The following SLC9A9 variants were observed in gnomAD, a reference collection of about 807,000 sequenced individuals.
SLC9A9 encodes sodium/hydrogen exchanger 9.
SLC9A9 carries 62 observed loss-of-function variants against 77.8 expected under a neutral mutation model. That is an observed-to-expected ratio of 0.80 (90% confidence interval 0.65 to 0.98). The LOEUF is 0.98. Among genes scored for constraint, SLC9A9 ranks in the 50% least tolerant of loss-of-function variants. SLC9A9 has a pLI of 0.00. For missense variants in SLC9A9, 775 were observed against 774.9 expected (o/e 1.00, Z 0.00); for synonymous variants, 320 against 283.5 (o/e 1.13, Z -1.29).
intron 14 of SLC9A9, among the ~76,000 whole-genome samples, chr3:143,298,039 C>T (rs556939715): frequency 1.3e-5 from 2 of 152,304 alleles, no homozygotes; most frequent in Admixed American, 6.5e-5. Flanking sequence ...TACAGAAAAA[C>T]TGAGTTGCAT....
At chr3:143,773,124 G>A (rs2007579418) in intron 4 of SLC9A9, among the ~76,000 whole-genome samples, 2 of 152,286 alleles carry the variant, frequency 1.3e-5, no homozygotes, top group East Asian at 3.9e-4. Flanking sequence ...TTTGCTAGAG[G>A]TTGTATATTA....
At chr3:143,467,915 C>A (rs563464554) in intron 11 of SLC9A9, among the ~76,000 whole-genome samples, 3 of 152,164 alleles carry the variant, frequency 2.0e-5, no homozygotes, top group East Asian at 3.9e-4. Context: ...ATAAATGGAA[C>A]CATGCAGTAT....
intron 12 of SLC9A9, among the ~76,000 whole-genome samples, chr3:143,443,287 G>A (rs780184334): frequency 5.9e-5 from 9 of 151,842 alleles, no homozygotes; most frequent in Non-Finnish European, 1.2e-4. Context: ...CACAACAAAG[G>A]CTCTCCCCTC....
At chr3:143,580,334 T>C (rs1419639960) in intron 6 of SLC9A9, among the ~76,000 whole-genome samples, 1 of 152,206 alleles carries the variant, frequency 6.6e-6, no homozygotes, top group African/African-American at 2.4e-5. Context: ...GTAGCACAGC[T>C]TTAGAAGTAA....
chr3:143,819,110 T>A (rs1397213288), intron 2 of SLC9A9, among the ~76,000 whole-genome samples: 1 of 152,112 alleles, frequency 6.6e-6, no homozygotes, highest in Non-Finnish European at 1.5e-5. Context: ...CTGAAATATA[T>A]ACATTTTCAT....
chr3:143,470,181 G>C (rs925961759), intron 11 of SLC9A9, among the ~76,000 whole-genome samples: 3 of 152,134 alleles, frequency 2.0e-5, no homozygotes, highest in Non-Finnish European at 2.9e-5. Flanking sequence ...GAGATAGAAA[G>C]TGAACTTTCC....
At chr3:143,602,930 A>T (rs1310185444) in intron 6 of SLC9A9, among the ~76,000 whole-genome samples, 1 of 152,258 alleles carries the variant, frequency 6.6e-6, no homozygotes, top group Non-Finnish European at 1.5e-5. Flanking sequence ...ATGTGAGCAT[A>T]ATGGCGCTTT....
At chr3:143,619,655 A>G (rs1050209359) in intron 6 of SLC9A9, among the ~76,000 whole-genome samples, 6 of 152,202 alleles carry the variant, frequency 3.9e-5, no homozygotes, top group African/African-American at 1.4e-4. Context: ...GCTTTGGGTA[A>G]GAGGATAAAC....
At chr3:143,846,709 T>C (rs2009837107) in intron 1 of SLC9A9, among the ~76,000 whole-genome samples, 1 of 141,130 alleles carries the variant, frequency 7.1e-6, no homozygotes, top group South Asian at 2.4e-4. Flanking sequence ...AAAAAATAAA[T>C]AAAACAATAC....
At chr3:143,625,596 C>A (rs2038307791) in intron 6 of SLC9A9, among the ~76,000 whole-genome samples, 1 of 152,264 alleles carries the variant, frequency 6.6e-6, no homozygotes, top group East Asian at 1.9e-4. Context: ...CTTCCTTATA[C>A]CTTATACAAA....
Position 143,574,134 on chromosome 3 carries a change from C to G in SLC9A9, c.954G>C (p.Leu318=). Residue 318 remains leucine, a synonymous_variant, in exon 8 of 16, where the codon CTG becomes CTC. Coordinates refer to ENST00000316549, the MANE Select transcript of SLC9A9 (RefSeq NM_173653.4). ...CAGACAGGAAGGCACTCCAAGAAAG[C>G]AGGAAAAACAGGCCGGTTTCCAGCA... The part of the protein sequence containing the change: ...FPMLETGLFF[L]LSWSAFLSAE... The G allele has an allele frequency of 6.2e-7, 1 of 1,613,570 alleles. No homozygotes were observed. Among genetic ancestry groups the G allele is most frequent in the South Asian group, 1.1e-5 (1 of 91,060 alleles).
chr3:143,495,979 A>G (rs944192323), intron 9 of SLC9A9, among the ~76,000 whole-genome samples: 1 of 152,226 alleles, frequency 6.6e-6, no homozygotes, highest in Non-Finnish European at 1.5e-5. Context: ...ACATTTTAAC[A>G]TTAGAGTGAT....
intron 6 of SLC9A9, among the ~76,000 whole-genome samples, chr3:143,622,434 A>G (rs2038234100): frequency 6.6e-6 from 1 of 152,350 alleles, no homozygotes; most frequent in Non-Finnish European, 1.5e-5. Flanking sequence ...AAACTCTACA[A>G]GCCAGAAGAG....
At chr3:143,333,908 T>C (rs1270381185) in intron 14 of SLC9A9, among the ~76,000 whole-genome samples, 1 of 97,828 alleles carries the variant, frequency 1.0e-5, no homozygotes, top group African/African-American at 6.9e-5. Context: ...TCTTAGTGGA[T>C]GAGGGAAACT....
At chr3:143,356,676 A>G (rs1388539942) in intron 14 of SLC9A9, among the ~76,000 whole-genome samples, 2 of 152,062 alleles carry the variant, frequency 1.3e-5, no homozygotes, top group Non-Finnish European at 2.9e-5. Flanking sequence ...GCATGCTACC[A>G]TGCTCAGTTA....
intron 12 of SLC9A9, among the ~76,000 whole-genome samples, chr3:143,438,586 G>T (rs115173775): frequency 1.5e-3 from 230 of 152,318 alleles, no homozygotes; most frequent in African/African-American, 5.2e-3. Context: ...AAACACAGAT[G>T]CCCTATCCCA....
intron 14 of SLC9A9, 77 bp downstream of exon 14, chr3:143,363,407 A>C: frequency 1.5e-6 from 2 of 1,309,838 alleles, no homozygotes; most frequent in Non-Finnish European, 2.2e-6. Context: ...GCAGGAGTGC[A>C]CACTTCAATG....
chr3:143,842,224 C>G (rs975926742), intron 1 of SLC9A9, among the ~76,000 whole-genome samples: 2 of 152,188 alleles, frequency 1.3e-5, no homozygotes, highest in Non-Finnish European at 2.9e-5. Context: ...ACTAAAAACA[C>G]AAAAAAGTTA....
chr3:143,297,411 A>G (rs1403623642), intron 14 of SLC9A9, among the ~76,000 whole-genome samples: 1 of 152,216 alleles, frequency 6.6e-6, no homozygotes, highest in African/African-American at 2.4e-5. Flanking sequence ...TTTTTATGCC[A>G]GCATCATACT....
Sources: gnomAD v4.1 joint callset for allele counts (sites outside exome capture counted in the v4.1 genomes callset) on GRCh38, gnomAD v4.1.1 for gene constraint, MANE v1.5 for transcripts, NCBI Gene and HGNC (gene_info 2026-07-23, HGNC 2026-07-21) for gene names.